SWT1: variants seen among roughly 807,000 people sequenced by gnomAD.
SWT1 encodes SWT1 RNA endoribonuclease homolog.
A neutral mutation model predicts 107.3 loss-of-function variants in SWT1; 33 were observed. That is an observed-to-expected ratio of 0.31 (90% CI 0.23 to 0.41). SWT1 has a LOEUF of 0.41. SWT1 is among the 10% of genes least tolerant of loss of function. The pLI is 1.00. For missense variants in SWT1, 898 were observed against 1,028.9 expected (o/e 0.87, Z 1.74); for synonymous variants, 345 against 348.3 (o/e 0.99, Z 0.11).
intron 7 of SWT1, among the ~76,000 whole-genome samples, chr1:185,182,407 C>T (rs1384174892): frequency 6.6e-6 from 1 of 152,002 alleles, no homozygotes; most frequent in Non-Finnish European, 1.5e-5. Flanking sequence ...GTGGCTCATG[C>T]CTGTAATTCC....
At chr1:185,233,888 C>A (rs1308848261) in intron 16 of SWT1, among the ~76,000 whole-genome samples, 2 of 152,110 alleles carry the variant, frequency 1.3e-5, no homozygotes, top group African/African-American at 4.8e-5. Context: ...GGACTACAGG[C>A]ACCCGCCACC....
chr1:185,174,044 G>A (rs1185584708), intron 4 of SWT1, among the ~76,000 whole-genome samples: 3 of 151,936 alleles, frequency 2.0e-5, no homozygotes, highest in African/African-American at 4.8e-5. Context: ...TCACACATAC[G>A]TTCTGTTTTT....
At position 185,227,233 on chromosome 1, in the gene SWT1, C is replaced by T. The variant is rs527895688; in HGVS notation, c.2310-4344C>T. On this transcript the variant is annotated intron_variant, in intron 15 of 18. Coordinates refer to ENST00000367500, the MANE Select transcript of SWT1 (RefSeq NM_017673.7). ...TTCAGGGTGCTAAAAACTTTATTGC[C>T]AGTGGTAATTCTGGCAAGACCTGCA... The T allele has an allele frequency of 4.0e-4, 315 of 788,508 alleles. 5 individuals are homozygous for T. The South Asian group carries it at 4.1e-3, about 10-fold the overall frequency. 48.8% of individuals were successfully genotyped at this position (788,508 alleles called of 1,614,324 possible). A position where few individuals can be genotyped will look rare whatever the true frequency, so the allele number is the denominator to read the frequency against.
intron 3 of SWT1, 40 bp downstream of exon 3, chr1:185,166,692 T>G: frequency 7.9e-7 from 1 of 1,271,998 alleles, no homozygotes; most frequent in African/African-American, 1.5e-5. Flanking sequence ...TTATTTATGC[T>G]AAAGTTTTAA....
intron 18 of SWT1, 63 bp downstream of exon 18, chr1:185,276,731 T>TTGGTGG: frequency 1.2e-6 from 1 of 829,498 alleles, no homozygotes; most frequent in Non-Finnish European, 1.9e-6. Flanking sequence ...ACAGCAGCAC[T>TTGGTGG]TGGTGGTGGT....
At chr1:185,188,963 C>T (rs1656719818) in intron 9 of SWT1, among the ~76,000 whole-genome samples, 1 of 151,964 alleles carries the variant, frequency 6.6e-6, no homozygotes, top group Non-Finnish European at 1.5e-5. Context: ...CTACACATTG[C>T]ATTATTATTA....
At position 185,160,839 on chromosome 1, in the gene SWT1, A is replaced by G; in HGVS notation, c.-3A>G. ...TTTTTAATGTTTATGTTAGCTTTTC[A>G]GGATGTCCAGCAAAGAATCCTGTGG... is the stretch of plus-strand genomic sequence containing the variant. On this transcript the variant is annotated 5_prime_UTR_variant, in exon 2 of 19. Coordinates refer to ENST00000367500, the MANE Select transcript of SWT1 (RefSeq NM_017673.7). The G allele has an allele frequency of 6.2e-7, 1 of 1,606,878 alleles. No homozygotes were observed. The highest frequency in any genetic ancestry group is 8.5e-7 in the Non-Finnish European group (1 of 1,176,916).
chr1:185,233,472 A>G (rs929554748), intron 16 of SWT1, among the ~76,000 whole-genome samples: 1 of 152,122 alleles, frequency 6.6e-6, no homozygotes, highest in Non-Finnish European at 1.5e-5. Flanking sequence ...ACTGCTTTAA[A>G]TGTGTCCCAG....
At chr1:185,257,107 A>G (rs1211254277) in intron 16 of SWT1, among the ~76,000 whole-genome samples, 1 of 152,132 alleles carries the variant, frequency 6.6e-6, no homozygotes. Context: ...GTCAGGTGTC[A>G]GGGACCCACT....
Position 185,283,156 on chromosome 1 carries a change from A to G in SWT1, c.2573+6488A>G, listed in dbSNP as rs562264941. On this transcript the variant is annotated intron_variant, in intron 18 of 18. Transcript: ENST00000367500. ...GGATACAATTAAGTAGCTCAAGAACATAAAACTGATGGGTTCTAATAAAGC... is the reference window on the plus strand; with the variant it reads ...GGATACAATTAAGTAGCTCAAGAACGTAAAACTGATGGGTTCTAATAAAGC... Among the ~76,000 whole-genome samples the G allele has an allele frequency of 5.8e-4, 89 of 152,332 alleles. 1 individual carries two copies. Among genetic ancestry groups the G allele is most frequent in the Non-Finnish European group, 9.6e-4 (65 of 68,026 alleles).
intron 2 of SWT1, among the ~76,000 whole-genome samples, chr1:185,162,039 T>C (rs1299357032): frequency 6.6e-6 from 1 of 152,198 alleles, no homozygotes; most frequent in African/African-American, 2.4e-5. Context: ...GCTTACTTAC[T>C]AACTTTCTGA....
At chr1:185,245,192 C>T (rs555268354) in intron 16 of SWT1, among the ~76,000 whole-genome samples, 1 of 152,224 alleles carries the variant, frequency 6.6e-6, no homozygotes, top group South Asian at 2.1e-4. Flanking sequence ...TATTTTCTTT[C>T]TTGATATCCT....
chr1:185,233,128 C>T (rs924120314), intron 16 of SWT1, among the ~76,000 whole-genome samples: 2 of 152,088 alleles, frequency 1.3e-5, no homozygotes, highest in African/African-American at 2.4e-5. Flanking sequence ...GGTCTGTGTC[C>T]TCTAGGTGAT....
intron 2 of SWT1, among the ~76,000 whole-genome samples, chr1:185,164,957 C>G (rs1230697838): frequency 1.3e-5 from 2 of 152,210 alleles, no homozygotes; most frequent in African/African-American, 4.8e-5. Flanking sequence ...TTTTGACATA[C>G]CTTCCTCAGT....
chr1:185,280,703 C>G (rs917419389), intron 18 of SWT1: 1 of 251,206 alleles, frequency 4.0e-6, no homozygotes, highest in Non-Finnish European at 7.9e-6. Flanking sequence ...ATGAAGCCTC[C>G]TCCATAAAAA....
chr1:185,185,030 C>A, intron 9 of SWT1, 99 bp downstream of exon 9: 1 of 849,130 alleles, frequency 1.2e-6, no homozygotes, highest in Non-Finnish European at 1.7e-6. Context: ...AACATTTAAA[C>A]CCATTGGAAT....
chr1:185,163,642 C>T (rs979731393), intron 2 of SWT1, among the ~76,000 whole-genome samples: 6 of 152,166 alleles, frequency 3.9e-5, no homozygotes, highest in African/African-American at 1.2e-4. Context: ...GATCTGCCTA[C>T]GTCGGCCTCC....
rs34014876 is a variant in SWT1, at chr1:185,228,167, GTGTA to G, written c.2310-3408_2310-3405del. Among the ~76,000 whole-genome samples, 85 of 61,556 alleles carry G rather than the reference GTGTA, an allele frequency of 1.4e-3. 1 individual carries two copies. The highest frequency in any genetic ancestry group is 2.2e-3 in the Non-Finnish European group (68 of 31,418). The allele number at this position is 61,556 out of a possible 152,430, so 40.4% of individuals were successfully genotyped here. On this transcript the variant is annotated intron_variant, in intron 15 of 18. Coordinates refer to ENST00000367500, the MANE Select transcript of SWT1 (RefSeq NM_017673.7). ...ACAGTATGTCACATTAAAAAAAAAT[GTGTA>G]TATATATATATATATATACATATAT...
At chr1:185,182,298 A>G (rs550368544) in intron 7 of SWT1, among the ~76,000 whole-genome samples, 103 of 152,274 alleles carry the variant, frequency 6.8e-4, no homozygotes, top group Non-Finnish European at 1.3e-3. Context: ...AAGAGGTAGT[A>G]ATTAGAATTA....
Sources: allele counts gnomAD v4.1 joint callset (sites outside exome capture counted in the v4.1 genomes callset), GRCh38; gene constraint gnomAD v4.1.1; transcripts MANE v1.5; gene names NCBI Gene and HGNC (gene_info 2026-07-23, HGNC 2026-07-21).